The following HEPH variants were observed in gnomAD, a reference collection of about 807,000 sequenced individuals.
HEPH encodes the protein hephaestin.
HEPH carries 69 observed loss-of-function variants against 80.8 expected under a neutral mutation model. The observed-to-expected ratio is 0.85, with a 90% CI of 0.70 to 1.04. HEPH has a LOEUF of 1.04. Ranked by LOEUF, HEPH falls within the 50% of genes least tolerant of loss-of-function variation. The pLI is 0.00. For missense variants in HEPH, 1,115 were observed against 891.3 expected (o/e 1.25, Z -3.20); for synonymous variants, 431 against 322.8 (o/e 1.34, Z -3.60).
chrX:66,217,786 A>G (rs1031337498), intron 15 of HEPH, among the ~76,000 whole-genome samples: 8 of 111,901 alleles, frequency 7.1e-5, no homozygotes, highest in Non-Finnish European at 1.1e-4. Context: ...ACTGTCTTCA[A>G]GGGACTCACC....
At chrX:66,168,893 T>G (rs1468260712) in intron 1 of HEPH, among the ~76,000 whole-genome samples, 1 of 112,075 alleles carries the variant, frequency 8.9e-6, no homozygotes. Flanking sequence ...AGTATGTATG[T>G]CTGTTTGTAA....
In HEPH at chrX:66,251,190, C is replaced by T. The variant is rs1184466438; in HGVS notation, c.2564-3845C>T. Among the ~76,000 whole-genome samples, 7 of 112,353 alleles carry T rather than the reference C, an allele frequency of 6.2e-5. No homozygotes were observed. In the East Asian group the frequency reaches 1.7e-3, roughly 27 times the overall value. On this transcript the variant is annotated intron_variant, in intron 15 of 20. Transcript: ENST00000343002. The stretch of plus-strand genomic sequence containing the variant: ...TGTGTAGAAGCTTTTGTGTGAACAT[C>T]ATTCACATTTCTCTTTGGTGGATAC...
At chrX:66,178,821 A>C (rs1254762687) in intron 4 of HEPH, among the ~76,000 whole-genome samples, 1 of 111,569 alleles carries the variant, frequency 9.0e-6, no homozygotes, top group Non-Finnish European at 1.9e-5. Context: ...ATTTGTTTGA[A>C]TTATTTGTAG....
intron 15 of HEPH, among the ~76,000 whole-genome samples, chrX:66,254,811 A>G (rs1365030333): frequency 1.9e-5 from 2 of 104,189 alleles, no homozygotes; most frequent in African/African-American, 7.1e-5. Flanking sequence ...CTGCCTTACT[A>G]GAGGATTGGA....
chrX:66,261,068 A>C (rs1473209838), intron 19 of HEPH, among the ~76,000 whole-genome samples: 4 of 111,971 alleles, frequency 3.6e-5, no homozygotes, highest in African/African-American at 1.3e-4. Flanking sequence ...TAAGGCACTG[A>C]ACCTGGCCTA....
Position 66,248,611 on chromosome X carries a change from A to G in HEPH, c.2564-6424A>G, listed in dbSNP as rs151330243. ...AAACTTGTATGCTGAGGTTGCTAAG[A>G]TTGATGGTAAGAATGAATATTCTAT... On this transcript the variant is annotated intron_variant, in intron 15 of 20. Coordinates refer to ENST00000343002, the MANE Select transcript of HEPH (RefSeq NM_001367233.3). 3.6e-3 allele frequency among the ~76,000 whole-genome samples: 406 copies of G among 112,378 alleles called. 3 individuals are homozygous for G. Among genetic ancestry groups the G allele is most frequent in the African/African-American group, 0.012 (369 of 30,982 alleles).
chrX:66,173,067 G>C (rs1291677279), intron 3 of HEPH, among the ~76,000 whole-genome samples: 1 of 112,076 alleles, frequency 8.9e-6, no homozygotes, highest in Non-Finnish European at 1.9e-5. Context: ...TGACAACAGT[G>C]AGTAAGAGGA....
chrX:66,259,427 G>A (rs905028365), intron 18 of HEPH, among the ~76,000 whole-genome samples: 2 of 111,593 alleles, frequency 1.8e-5, no homozygotes, highest in African/African-American at 6.5e-5. Context: ...AAGAGTTGGG[G>A]GCATTGATAC....
intron 15 of HEPH, among the ~76,000 whole-genome samples, chrX:66,252,614 A>G (rs1417537966): frequency 8.9e-6 from 1 of 111,884 alleles, no homozygotes; most frequent in Non-Finnish European, 1.9e-5. Flanking sequence ...ATGAACAAAG[A>G]GAGATTTTGG....
At chrX:66,258,775 A>G (rs1325944700) in intron 17 of HEPH, 65 bp from the exon 18 acceptor site, 45 of 922,849 alleles carry the variant, frequency 4.9e-5, no homozygotes, top group Non-Finnish European at 5.8e-5. Flanking sequence ...GGAAATGGGA[A>G]GTCCAAAGGA....
intron 17 of HEPH, among the ~76,000 whole-genome samples, chrX:66,256,553 G>A (rs921098521): frequency 4.5e-5 from 5 of 111,803 alleles, no homozygotes; most frequent in African/African-American, 6.5e-5. Context: ...CAGAAAGCAG[G>A]AAGTTGACTC....
At chrX:66,228,809 A>T (rs756788292) in intron 15 of HEPH, among the ~76,000 whole-genome samples, 5 of 112,431 alleles carry the variant, frequency 4.4e-5, no homozygotes, top group Non-Finnish European at 9.4e-5. Context: ...GGAAATTCAA[A>T]TCAAAACCAC....
At chrX:66,254,424 G>T (rs1288946163) in intron 15 of HEPH, among the ~76,000 whole-genome samples, 2 of 111,471 alleles carry the variant, frequency 1.8e-5, no homozygotes, top group Non-Finnish European at 3.8e-5. Context: ...AGCACAGATT[G>T]GGAAACGGTG....
chrX:66,194,994 T>C, intron 8 of HEPH, 104 bp from the exon 9 acceptor site: 1 of 657,865 alleles, frequency 1.5e-6, no homozygotes, highest in Non-Finnish European at 2.1e-6. Flanking sequence ...TTTATTTTCT[T>C]CTTCACTTTC....
intron 1 of HEPH, among the ~76,000 whole-genome samples, chrX:66,168,592 G>T (rs915421510): frequency 7.2e-5 from 8 of 111,807 alleles, no homozygotes; most frequent in Non-Finnish European, 1.3e-4. Flanking sequence ...TAACACTTGG[G>T]TCACTGCTGC....
intron 4 of HEPH, among the ~76,000 whole-genome samples, chrX:66,176,106 A>AT (rs2086792224): frequency 9.0e-6 from 1 of 111,543 alleles, no homozygotes. Context: ...TCTCAAAGGG[A>AT]ATGCTTTCAA....
intron 4 of HEPH, 141 bp from the exon 5 acceptor site, chrX:66,188,218 T>C: frequency 2.1e-6 from 1 of 472,657 alleles, no homozygotes; most frequent in Non-Finnish European, 3.5e-6. Context: ...GAAATTAATC[T>C]AAGAGGGTTA....
rs758230456 is a variant in HEPH at position 66,241,871 on chromosome X, T to C, written c.2564-13164T>C. Among the ~76,000 whole-genome samples, 3 of 110,938 alleles carry C rather than the reference T, an allele frequency of 2.7e-5. No homozygotes were observed. The South Asian group carries it at 1.1e-3, about 42-fold the overall frequency. ...CCACTCAAAGAAATCAGAGATGACATAAACAAATGGAAGAGGATTCCATGC... is the reference window on the plus strand; with the variant it reads ...CCACTCAAAGAAATCAGAGATGACACAAACAAATGGAAGAGGATTCCATGC... On this transcript the variant is annotated intron_variant, in intron 15 of 20. Transcript: ENST00000343002.
chrX:66,177,695 GT>G (rs915262163), intron 4 of HEPH, among the ~76,000 whole-genome samples: 2 of 110,836 alleles, frequency 1.8e-5, no homozygotes, highest in Non-Finnish European at 3.8e-5. Flanking sequence ...TTATCTTGTA[GT>G]TTTTTTGTTT....
Sources: allele counts gnomAD v4.1 joint callset (sites outside exome capture counted in the v4.1 genomes callset), GRCh38; gene constraint gnomAD v4.1.1; transcripts MANE v1.5; gene names NCBI Gene and HGNC (gene_info 2026-07-23, HGNC 2026-07-21).